Variants in SLCO6A1 observed in about 807,000 individuals in gnomAD.
SLCO6A1 encodes the protein cancer/testis antigen 48.
In SLCO6A1, 65 loss-of-function variants were observed where a neutral mutation model predicts 72.7. The observed-to-expected ratio is 0.89, with a 90% CI of 0.73 to 1.10. SLCO6A1 has a LOEUF of 1.10. Ranked by LOEUF, SLCO6A1 falls within the 50% of genes least tolerant of loss-of-function variation. SLCO6A1 has a pLI of 0.00. For missense variants in SLCO6A1, 874 were observed against 872.6 expected (o/e 1.00, Z -0.02); for synonymous variants, 314 against 298.2 (o/e 1.05, Z -0.55).
In SLCO6A1 at chr5:102,452,138, C is replaced by T. The variant is rs146209740; in HGVS notation, c.1131+6244G>A. On this transcript the variant is annotated intron_variant, in intron 6 of 13. Coordinates refer to ENST00000506729, the MANE Select transcript of SLCO6A1 (RefSeq NM_173488.5). ...AATATCATAATATTCATTGACACTT[C>T]CTTATTCATCTGAGTCCTATTATGC... 3.2e-4 allele frequency among the ~76,000 whole-genome samples: 49 copies of T among 152,250 alleles called. 1 individual carries two copies. The East Asian group carries it at 6.0e-3, about 19-fold the overall frequency.
chr5:102,452,776 C>T (rs1284218846), intron 6 of SLCO6A1, among the ~76,000 whole-genome samples: 2 of 152,036 alleles, frequency 1.3e-5, no homozygotes, highest in African/African-American at 2.4e-5. Flanking sequence ...AAAATCTATG[C>T]CTAGACACTC....
At chr5:102,497,235 G>T (rs183007402) in intron 1 of SLCO6A1, among the ~76,000 whole-genome samples, 4 of 152,188 alleles carry the variant, frequency 2.6e-5, no homozygotes, top group Admixed American at 2.6e-4. Context: ...CAAAATATGT[G>T]GGCAAAAATA....
intron 1 of SLCO6A1, among the ~76,000 whole-genome samples, chr5:102,486,813 GAAAT>G (rs1187159820): frequency 1.3e-5 from 2 of 152,028 alleles, no homozygotes; most frequent in Non-Finnish European, 2.9e-5. Flanking sequence ...TATCGTTACA[GAAAT>G]AAATAATTGT....
intron 8 of SLCO6A1, among the ~76,000 whole-genome samples, chr5:102,419,488 T>C (rs1282546326): frequency 3.3e-5 from 5 of 152,184 alleles, no homozygotes; most frequent in African/African-American, 4.8e-5. Flanking sequence ...GACAAACCAA[T>C]TCAGAAACAC....
At chr5:102,488,689 T>G (rs1047128773) in intron 1 of SLCO6A1, among the ~76,000 whole-genome samples, 1 of 152,162 alleles carries the variant, frequency 6.6e-6, no homozygotes, top group Admixed American at 6.5e-5. Context: ...TCAATTTAAT[T>G]TAAGCAATAA....
At chr5:102,407,557 T>C (rs1473844535) in intron 9 of SLCO6A1, among the ~76,000 whole-genome samples, 1 of 152,216 alleles carries the variant, frequency 6.6e-6, no homozygotes, top group African/African-American at 2.4e-5. Context: ...TACTCAATTA[T>C]ATTCTATGGC....
chr5:102,433,113 C>T (rs1018649980), intron 7 of SLCO6A1, among the ~76,000 whole-genome samples: 1 of 152,088 alleles, frequency 6.6e-6, no homozygotes, highest in African/African-American at 2.4e-5. Flanking sequence ...GTGTTTTTAT[C>T]TCTATCAAGT....
intron 11 of SLCO6A1, among the ~76,000 whole-genome samples, chr5:102,390,392 C>A (rs777433826): frequency 6.6e-6 from 1 of 152,094 alleles, no homozygotes; most frequent in Admixed American, 6.6e-5. Flanking sequence ...CTATCAGAGC[C>A]GCACTTAGAT....
rs181983467 is a variant in SLCO6A1, at chr5:102,411,687, T to A, written c.1626+1303A>T. Among the ~76,000 whole-genome samples the A allele has an allele frequency of 1.2e-3, 178 of 152,258 alleles. 5 individuals carry two copies. The East Asian group carries it at 0.03, about 26-fold the overall frequency. ...CCATAAATTCTCATCAGATGGGTTT[T>A]ATTTAACCCTCTTTATCATGACTTA... is the stretch of plus-strand genomic sequence containing the variant. On this transcript the variant is annotated intron_variant, in intron 9 of 13. Coordinates refer to ENST00000506729, the MANE Select transcript of SLCO6A1 (RefSeq NM_173488.5).
At chr5:102,463,543 T>A (rs528417605) in intron 4 of SLCO6A1, among the ~76,000 whole-genome samples, 48 of 152,148 alleles carry the variant, frequency 3.2e-4, no homozygotes, top group African/African-American at 1.1e-3. Context: ...AATGAGTGGA[T>A]AAAGAAAATG....
intron 9 of SLCO6A1, among the ~76,000 whole-genome samples, chr5:102,411,999 C>G (rs1453845554): frequency 1.3e-5 from 2 of 152,122 alleles, no homozygotes; most frequent in Non-Finnish European, 2.9e-5. Context: ...CACTATGAGA[C>G]TTCAAAAGAA....
At chr5:102,403,638 T>C (rs377089118) in intron 9 of SLCO6A1, among the ~76,000 whole-genome samples, 1 of 152,162 alleles carries the variant, frequency 6.6e-6, no homozygotes, top group East Asian at 1.9e-4. Flanking sequence ...AAGGTATCAA[T>C]GGCCTGTGAT....
chr5:102,487,153 C>A (rs1037306320), intron 1 of SLCO6A1, among the ~76,000 whole-genome samples: 1 of 152,108 alleles, frequency 6.6e-6, no homozygotes, highest in Non-Finnish European at 1.5e-5. Flanking sequence ...TCATACTTCA[C>A]AAAATGTTTT....
chr5:102,414,286 ATATC>A (rs1748150812), intron 8 of SLCO6A1, among the ~76,000 whole-genome samples: 1 of 152,202 alleles, frequency 6.6e-6, no homozygotes, highest in African/African-American at 2.4e-5. Flanking sequence ...TTGCATATAG[ATATC>A]TATCCAGCAT....
intron 12 of SLCO6A1, among the ~76,000 whole-genome samples, chr5:102,380,991 G>A (rs1253698227): frequency 6.6e-6 from 1 of 151,782 alleles, no homozygotes; most frequent in Non-Finnish European, 1.5e-5. Flanking sequence ...TATATTTATA[G>A]TATAAAGCAT....
chr5:102,464,962 C>G (rs969811436), intron 4 of SLCO6A1, among the ~76,000 whole-genome samples: 1 of 151,938 alleles, frequency 6.6e-6, no homozygotes, highest in Middle Eastern at 3.2e-3. Flanking sequence ...CAATCCATCA[C>G]TTTTGTACCT....
chr5:102,378,673 T>C (rs1260955268), intron 12 of SLCO6A1, among the ~76,000 whole-genome samples: 1 of 152,204 alleles, frequency 6.6e-6, no homozygotes, highest in African/African-American at 2.4e-5. Flanking sequence ...TTTGTGTGAT[T>C]CATCCATATT....
At chr5:102,406,805 G>A (rs1208739845) in intron 9 of SLCO6A1, among the ~76,000 whole-genome samples, 1 of 152,110 alleles carries the variant, frequency 6.6e-6, no homozygotes, top group Non-Finnish European at 1.5e-5. Flanking sequence ...CTCAGAAAAT[G>A]GGTTTAACAG....
At chr5:102,381,621 T>A (rs980995569) in intron 12 of SLCO6A1, among the ~76,000 whole-genome samples, 1 of 151,840 alleles carries the variant, frequency 6.6e-6, no homozygotes, top group African/African-American at 2.4e-5. Flanking sequence ...CATGTGGTAG[T>A]TCTATTTCTA....
Sources: allele counts gnomAD v4.1 joint callset (sites outside exome capture counted in the v4.1 genomes callset), GRCh38; gene constraint gnomAD v4.1.1; transcripts MANE v1.5; gene names NCBI Gene and HGNC (gene_info 2026-07-23, HGNC 2026-07-21).